Variants in VWA3B observed in about 807,000 individuals in gnomAD.
VWA3B encodes the protein von Willebrand factor A domain containing 3B, also known as von Willebrand factor A domain-containing protein 3B.
In VWA3B, 138 loss-of-function variants were observed where a neutral mutation model predicts 158.3. That is an observed-to-expected ratio of 0.87 (90% CI 0.76 to 1.00). The LOEUF (loss-of-function observed/expected upper bound fraction) is 1.00. Ranked by LOEUF, VWA3B falls within the 50% of genes least tolerant of loss-of-function variation. VWA3B has a pLI of 0.00. For missense variants in VWA3B, 1,555 were observed against 1,565.1 expected (o/e 0.99, Z 0.11); for synonymous variants, 596 against 587.3 (o/e 1.01, Z -0.21).
chr2:98,176,031 C>T (rs72817754), intron 8 of VWA3B, among the ~76,000 whole-genome samples: 175 of 152,316 alleles, frequency 1.1e-3, no homozygotes, highest in Non-Finnish European at 2.1e-3. Flanking sequence ...ACCACACTGT[C>T]GCCACCTGGC....
At chr2:98,100,458 G>A (rs1683003756) in intron 2 of VWA3B, among the ~76,000 whole-genome samples, 1 of 152,234 alleles carries the variant, frequency 6.6e-6, no homozygotes, top group African/African-American at 2.4e-5. Flanking sequence ...TGGCCACTGA[G>A]GCTAGTGCCA....
In VWA3B at chr2:98,133,966, T is replaced by C. The variant is rs371946610; in HGVS notation, c.988+27T>C. On this transcript the variant is annotated intron_variant, in intron 7 of 27. Transcript: ENST00000477737. ...TACCTGGAATCCAAAAGAAGTGGTG[T>C]AGCTTATGTCCCGAATAGCCTCAGA... The C allele has an allele frequency of 6.3e-6, 10 of 1,596,618 alleles. No individual in the cohort carries two copies. The African/African-American group carries it at 1.1e-4, about 17-fold the overall frequency.
intron 26 of VWA3B, among the ~76,000 whole-genome samples, chr2:98,308,291 G>C (rs1049760461): frequency 1.6e-4 from 24 of 152,136 alleles, no homozygotes; most frequent in African/African-American, 5.1e-4. Context: ...CGGCTGAGAG[G>C]CGTGTCTTTC....
chr2:98,180,453 A>G (rs1680470367), intron 8 of VWA3B, among the ~76,000 whole-genome samples: 2 of 152,188 alleles, frequency 1.3e-5, no homozygotes, highest in Non-Finnish European at 1.5e-5. Flanking sequence ...TGGCCTCCCA[A>G]AGTGTTGGGA....
the VWA3B span, among the ~76,000 whole-genome samples, chr2:98,328,788 C>A: frequency 6.6e-6 from 1 of 152,078 alleles, no homozygotes; most frequent in Admixed American, 6.5e-5. Context: ...CAATGATATT[C>A]CACACATAGT....
intron 12 of VWA3B, among the ~76,000 whole-genome samples, chr2:98,201,461 G>A (rs538893579): frequency 1.3e-5 from 2 of 152,004 alleles, no homozygotes; most frequent in African/African-American, 2.4e-5. Context: ...TATCCAACCC[G>A]TATAGTGTTT....
At chr2:98,103,714 G>A (rs1311657348) in intron 2 of VWA3B, among the ~76,000 whole-genome samples, 2 of 152,148 alleles carry the variant, frequency 1.3e-5, no homozygotes, top group Admixed American at 1.3e-4. Context: ...AACATTGCAT[G>A]CACACTTGAA....
chr2:98,150,744 A>G (rs1677556227), intron 7 of VWA3B, among the ~76,000 whole-genome samples: 3 of 152,194 alleles, frequency 2.0e-5, no homozygotes, highest in Non-Finnish European at 2.9e-5. Context: ...AGAAAATTCT[A>G]TTCTAGACTG....
At chr2:98,267,899 A>G (rs1375290187) in intron 21 of VWA3B, among the ~76,000 whole-genome samples, 1 of 152,140 alleles carries the variant, frequency 6.6e-6, no homozygotes, top group African/African-American at 2.4e-5. Context: ...CCATCAGAGA[A>G]TACTACAAAC....
At chr2:98,328,237 G>A in the VWA3B span, among the ~76,000 whole-genome samples, 10 of 152,132 alleles carry the variant, frequency 6.6e-5, no homozygotes, top group Admixed American at 2.0e-4. Flanking sequence ...AAATCTACAG[G>A]TATCATCATA....
chr2:98,228,270 C>A lies in VWA3B; in HGVS notation c.2088C>A (p.Asp696Glu). The A allele has an allele frequency of 6.2e-7, 1 of 1,614,026 alleles. No individual in the cohort carries two copies. Among genetic ancestry groups the A allele is most frequent in the Middle Eastern group, 1.6e-4 (1 of 6,062 alleles). The change falls in exon 15 of 28, where the codon GAC becomes GAA. Residue 696 changes from aspartate to glutamate, a missense_variant. Transcript: ENST00000477737. ...QGHSDLEKMQ[D>E]LYSESLIMDW... ...ACAGTGATCTGGAGAAGATGCAAGA[C>A]CTTTATTCTGAGTCCTTGATCATGG...
At chr2:98,138,077 C>T (rs927992686) in intron 7 of VWA3B, among the ~76,000 whole-genome samples, 2 of 152,136 alleles carry the variant, frequency 1.3e-5, no homozygotes, top group African/African-American at 4.8e-5. Flanking sequence ...CTCAGCAGGC[C>T]CCTCCCCACC....
chr2:98,312,158 G>C, intron 27 of VWA3B, 42 bp from the exon 28 acceptor site: 2 of 1,614,134 alleles, frequency 1.2e-6, no homozygotes, highest in Non-Finnish European at 1.7e-6. Flanking sequence ...GTGCAGCAAA[G>C]ACCCTAACAT....
At chr2:98,154,288 G>A (rs565709181) in intron 7 of VWA3B, among the ~76,000 whole-genome samples, 1 of 152,194 alleles carries the variant, frequency 6.6e-6, no homozygotes, top group African/African-American at 2.4e-5. Context: ...TAAAAGACAA[G>A]GTTCCCAGTC....
rs1385454438 is a variant in VWA3B, at chr2:98,248,860, TTTC to T, written c.2674-1455_2674-1453del. Among the ~76,000 whole-genome samples, 11 of 24,138 alleles carry T rather than the reference TTTC, an allele frequency of 4.6e-4. No homozygotes were observed. In the South Asian group the frequency reaches 0.014, roughly 31 times the overall value. 15.8% of individuals were successfully genotyped at this position (24,138 alleles called of 152,430 possible). A position where few individuals can be genotyped will look rare whatever the true frequency, so the allele number is the denominator to read the frequency against. Reference sequence around the variant, plus strand: ...CTTTCTTTCTTTCTTTCTTTCTTTCTTTCTTTCTTTCTTTCTTTCTTTCTCTCT... The same window carrying T: ...CTTTCTTTCTTTCTTTCTTTCTTTCTTTTCTTTCTTTCTTTCTTTCTCTCT... On this transcript the variant is annotated intron_variant, in intron 19 of 27. Transcript: ENST00000477737.
chr2:98,296,914 T>A (rs1689834516), intron 23 of VWA3B, among the ~76,000 whole-genome samples: 1 of 150,638 alleles, frequency 6.6e-6, no homozygotes, highest in Admixed American at 6.6e-5. Flanking sequence ...TATTATATAA[T>A]TAAATAATAT....
intron 20 of VWA3B, among the ~76,000 whole-genome samples, chr2:98,255,852 C>T (rs979545263): frequency 2.6e-5 from 4 of 152,136 alleles, no homozygotes; most frequent in South Asian, 4.1e-4. Flanking sequence ...ATAATGAAGA[C>T]CAGTTTGTCA....
chr2:98,319,288 A>G, the VWA3B span, among the ~76,000 whole-genome samples: 3 of 152,234 alleles, frequency 2.0e-5, no homozygotes, highest in Admixed American at 1.3e-4. Context: ...CAGGTGCAAT[A>G]AAATGTTGCT....
chr2:98,153,543 T>C (rs1043213624), intron 7 of VWA3B, among the ~76,000 whole-genome samples: 1 of 152,232 alleles, frequency 6.6e-6, no homozygotes, highest in African/African-American at 2.4e-5. Context: ...CCAAGTCATG[T>C]TCCTGGCAGA....
Sources: allele counts gnomAD v4.1 joint callset (sites outside exome capture counted in the v4.1 genomes callset), GRCh38; gene constraint gnomAD v4.1.1; transcripts MANE v1.5; gene names NCBI Gene and HGNC (gene_info 2026-07-23, HGNC 2026-07-21).